The following CD109 variants were observed in gnomAD, a reference collection of about 807,000 sequenced individuals.
CD109 encodes CD109 antigen.
In CD109, 149 loss-of-function variants were observed where a neutral mutation model predicts 165.8. The ratio of observed to expected loss-of-function variants is 0.90; its 90% CI spans 0.79 to 1.03. CD109 has a LOEUF of 1.03. Among genes scored for constraint, CD109 ranks in the 50% least tolerant of loss-of-function variants. The pLI is 0.00. For missense variants in CD109, 1,712 were observed against 1,677.8 expected (o/e 1.02, Z -0.36); for synonymous variants, 585 against 592.1 (o/e 0.99, Z 0.18).
chr6:73,769,269 T>A (rs959969541), intron 14 of CD109, among the ~76,000 whole-genome samples: 1 of 152,216 alleles, frequency 6.6e-6, no homozygotes, highest in Non-Finnish European at 1.5e-5. Context: ...TTTTAGCTTA[T>A]GAAAAGAGTT....
intron 10 of CD109, among the ~76,000 whole-genome samples, chr6:73,764,063 A>T (rs1773743857): frequency 6.6e-6 from 1 of 152,250 alleles, no homozygotes; most frequent in African/African-American, 2.4e-5. Context: ...ACATTAAAAA[A>T]TTATCAACAA....
intron 2 of CD109, among the ~76,000 whole-genome samples, chr6:73,700,133 G>A (rs1582027526): frequency 6.6e-6 from 1 of 152,190 alleles, no homozygotes; most frequent in East Asian, 1.9e-4. Context: ...CCAGGCCAGA[G>A]TGCAGTGGTG....
rs1774649740 is a variant in CD109, at chr6:73,785,412, G to A, written c.2272G>A (p.Val758Ile). 6.2e-7 allele frequency: 1 copy of A among 1,608,414 alleles called. No homozygotes were observed. Among genetic ancestry groups the A allele is most frequent in the African/African-American group, 1.3e-5 (1 of 74,618 alleles). ...FFIFLNLPYS[V>I]IRGEEFALEI... ...CATTTTTTTGAATCTTCCCTACTCT[G>A]TTATCAGAGGTGAAGAATTTGCTTT... is the stretch of plus-strand genomic sequence containing the variant. The change falls in exon 20 of 33, where the codon GTT (valine) becomes ATT (isoleucine). Residue 758 changes from valine to isoleucine, a missense_variant. Coordinates refer to ENST00000287097, the MANE Select transcript of CD109 (RefSeq NM_133493.5).
intron 30 of CD109, among the ~76,000 whole-genome samples, chr6:73,816,015 C>G (rs1775923436): frequency 6.6e-6 from 1 of 152,176 alleles, no homozygotes; most frequent in Non-Finnish European, 1.5e-5. Flanking sequence ...TGGTCCTGAG[C>G]TGGCAGATGT....
intron 5 of CD109, among the ~76,000 whole-genome samples, chr6:73,749,219 G>A (rs1477302524): frequency 6.6e-6 from 1 of 152,198 alleles, no homozygotes; most frequent in Non-Finnish European, 1.5e-5. Flanking sequence ...TAGATTAGGA[G>A]TCCTAAGACC....
At chr6:73,695,430 G>C (rs981330620), upstream of CD109, 1 of 152,184 alleles carries the variant, frequency 6.6e-6, no homozygotes, top group Non-Finnish European at 1.5e-5. Flanking sequence ...AAGCTTTACA[G>C]TTCTACCAAA....
Position 73,803,295 on chromosome 6 carries a change from GCA to G in CD109, c.2956_2957del (p.Thr986LeufsTer12). 1 of 1,611,000 alleles carries G rather than the reference GCA, an allele frequency of 6.2e-7. No individual in the cohort carries two copies. Among genetic ancestry groups the G allele is most frequent in the Non-Finnish European group, 8.5e-7 (1 of 1,178,880 alleles). On this transcript the variant is annotated frameshift_variant, in exon 24 of 33. Transcript: ENST00000287097. LOFTEE classifies it high-confidence loss of function. ...TTTGGGAATTATGACCCTTCTGGGA[GCA>G]CTTGGTAAGTGTTTTTGCCAACTGA...
intron 23 of CD109, among the ~76,000 whole-genome samples, chr6:73,795,440 C>T (rs185356683): frequency 1.3e-5 from 2 of 152,206 alleles, no homozygotes; most frequent in Non-Finnish European, 1.5e-5. Context: ...GGTCCAAATC[C>T]TCAGTATCTG....
the CD109 span, among the ~76,000 whole-genome samples, chr6:73,688,532 T>G: frequency 1.3e-5 from 2 of 152,096 alleles, no homozygotes; most frequent in Admixed American, 6.6e-5. Flanking sequence ...CCCTTGGAAT[T>G]TTCTGTGCGA....
intron 30 of CD109, among the ~76,000 whole-genome samples, chr6:73,815,339 A>G (rs371623382): frequency 6.6e-6 from 1 of 152,230 alleles, no homozygotes; most frequent in East Asian, 1.9e-4. Flanking sequence ...CCCTGGACGT[A>G]TAACACATTT....
chr6:73,744,820 A>G (rs547062491), intron 5 of CD109, among the ~76,000 whole-genome samples: 1 of 152,298 alleles, frequency 6.6e-6, no homozygotes, highest in East Asian at 1.9e-4. Context: ...TCAGTTAGAA[A>G]ACTTTGGGGC....
rs755251733 is a variant in CD109, at chr6:73,762,891, A to C, written c.997+9A>C. On this transcript the variant is annotated intron_variant, in intron 9 of 32. Coordinates refer to ENST00000287097, the MANE Select transcript of CD109 (RefSeq NM_133493.5). Reference sequence around the variant, plus strand: ...GACAGAATCAGTTACAGGTTTGTAGACTTTAAAGTGGAGGTAAAACTATTC... The same window carrying C: ...GACAGAATCAGTTACAGGTTTGTAGCCTTTAAAGTGGAGGTAAAACTATTC... The C allele has an allele frequency of 6.3e-6, 10 of 1,594,348 alleles. No individual in the cohort carries two copies. The East Asian group carries it at 2.0e-4, about 32-fold the overall frequency.
chr6:73,734,461 C>G (rs1417462753), intron 4 of CD109, among the ~76,000 whole-genome samples: 2 of 152,220 alleles, frequency 1.3e-5, no homozygotes, highest in East Asian at 3.8e-4. Flanking sequence ...TCCTTAATTA[C>G]TAGACAGCAT....
intron 2 of CD109, among the ~76,000 whole-genome samples, chr6:73,713,214 T>G (rs1771600401): frequency 6.6e-6 from 1 of 152,114 alleles, no homozygotes; most frequent in South Asian, 2.1e-4. Flanking sequence ...ATTTGTAAAT[T>G]TAAAGGGAAG....
At chr6:73,796,303 C>G (rs1025426096) in intron 23 of CD109, among the ~76,000 whole-genome samples, 4 of 152,194 alleles carry the variant, frequency 2.6e-5, no homozygotes, top group African/African-American at 9.6e-5. Context: ...GGCCTCCCTC[C>G]TTAGCCTCAT....
At chr6:73,761,014 AACAC>A (rs577598100) in intron 7 of CD109, among the ~76,000 whole-genome samples, 17,229 of 124,068 alleles carry the variant, frequency 0.14, 1,277 homozygotes, top group African/African-American at 0.2. Context: ...ACTGTGTCTA[AACAC>A]ACACACACAC....
In CD109 at chr6:73,808,159, T is replaced by C. The variant is rs754007666; in HGVS notation, c.3266T>C (p.Leu1089Pro). ...AGAGGAATTTCAGACAATTATACTCTAGCCCTTATAACTTATGCATTGTCA... is the reference window on the plus strand; with the variant it reads ...AGAGGAATTTCAGACAATTATACTCCAGCCCTTATAACTTATGCATTGTCA... Reference protein sequence around the residue: ...FSRGISDNYTLALITYALSSV... With the variant: ...FSRGISDNYTPALITYALSSV... The change falls in exon 26 of 33, where the codon CTA becomes CCA. Residue 1089 changes from leucine to proline, a missense_variant. By Grantham distance (98) the Leu-to-Pro change is moderately conservative. Transcript: ENST00000287097. The C allele has an allele frequency of 5.6e-6, 9 of 1,613,392 alleles. No individual in the cohort carries two copies. The highest frequency in any genetic ancestry group is 2.5e-6 in the Non-Finnish European group (3 of 1,179,588).
intron 15 of CD109, among the ~76,000 whole-genome samples, chr6:73,772,197 G>A (rs1034166094): frequency 1.2e-4 from 18 of 152,038 alleles, no homozygotes; most frequent in African/African-American, 4.1e-4. Flanking sequence ...TATACGTAAT[G>A]GTTATAAATA....
intron 2 of CD109, among the ~76,000 whole-genome samples, chr6:73,716,024 G>A (rs7767106): frequency 0.3 from 46,351 of 152,052 alleles, 7,110 homozygotes; most frequent in Admixed American, 0.35. Flanking sequence ...GTGAGAACAT[G>A]CAAAGTTTGT....
Sources: gnomAD v4.1 joint callset for allele counts (sites outside exome capture counted in the v4.1 genomes callset) on GRCh38, gnomAD v4.1.1 for gene constraint, MANE v1.5 for transcripts, NCBI Gene and HGNC (gene_info 2026-07-23, HGNC 2026-07-21) for gene names.